Variants in DGKG observed in about 807,000 individuals in gnomAD.
DGKG encodes diacylglycerol kinase gamma.
DGKG carries 78 observed loss-of-function variants against 105.3 expected under a neutral mutation model. The observed-to-expected ratio is 0.74, with a 90% CI of 0.62 to 0.89. The LOEUF is 0.89. Among genes scored for constraint, DGKG ranks in the 40% least tolerant of loss-of-function variants. The pLI is 0.00. For missense variants in DGKG, 958 were observed against 1,020.1 expected (o/e 0.94, Z 0.83); for synonymous variants, 346 against 367.1 (o/e 0.94, Z 0.66).
At position 186,361,760 on chromosome 3, in the gene DGKG, G is replaced by A. The variant is rs1356378438; in HGVS notation, c.-249+186C>T. ...TGCGTTCCCCAAGCCTGCACCCCTC[G>A]AGCGGGGCATCCCTTCCTGCAGGGC... On this transcript the variant is annotated intron_variant, in intron 1 of 24. Coordinates refer to ENST00000265022, the MANE Select transcript of DGKG (RefSeq NM_001346.3). The surrounding 1 kb of genome is among the most constrained non-coding windows in gnomAD (Gnocchi z 6.8). 6.6e-6 allele frequency among the ~76,000 whole-genome samples: 1 copy of A among 152,092 alleles called. No homozygotes were observed. Among genetic ancestry groups the A allele is most frequent in the African/African-American group, 2.4e-5 (1 of 41,434 alleles).
intron 1 of DGKG, among the ~76,000 whole-genome samples, chr3:186,342,099 T>A (rs1320042438): frequency 6.6e-6 from 1 of 152,186 alleles, no homozygotes. Flanking sequence ...TGCACCAGCA[T>A]GGCACATGTA....
At chr3:186,299,781 C>CTT (rs1723791287) in intron 3 of DGKG, among the ~76,000 whole-genome samples, 1 of 63,370 alleles carries the variant, frequency 1.6e-5, no homozygotes, top group African/African-American at 6.8e-5. Flanking sequence ...TTCTTTCTTT[C>CTT]TTTCTTTCTT....
chr3:186,206,170 G>A (rs1718722696), intron 21 of DGKG, among the ~76,000 whole-genome samples: 2 of 152,172 alleles, frequency 1.3e-5, no homozygotes, highest in Admixed American at 6.5e-5. Context: ...TGGATCATGA[G>A]GTCAGGAGTT....
intron 22 of DGKG, among the ~76,000 whole-genome samples, chr3:186,181,380 G>A (rs1717350228): frequency 6.6e-6 from 1 of 152,178 alleles, no homozygotes; most frequent in South Asian, 2.1e-4. Context: ...TGTTTACCAA[G>A]AATTGCAAAA....
intron 21 of DGKG, among the ~76,000 whole-genome samples, chr3:186,201,616 G>A (rs962112700): frequency 1.3e-5 from 2 of 152,186 alleles, no homozygotes; most frequent in African/African-American, 4.8e-5. Flanking sequence ...GTTAGGAGAA[G>A]GCATGAGTGC....
chr3:186,195,792 C>G (rs1252550079), intron 21 of DGKG, among the ~76,000 whole-genome samples: 4 of 152,098 alleles, frequency 2.6e-5, no homozygotes, highest in Non-Finnish European at 2.9e-5. Flanking sequence ...TGTATTTTCA[C>G]TAAATTGGTA....
chr3:186,219,016 C>T (rs1314317574), intron 20 of DGKG, among the ~76,000 whole-genome samples: 1 of 151,950 alleles, frequency 6.6e-6, no homozygotes, highest in African/African-American at 2.4e-5. Flanking sequence ...CCAAATGCAA[C>T]AAGAGTTGAA....
chr3:186,194,803 T>TAAAAAAAAAAA (rs57878064), intron 21 of DGKG, among the ~76,000 whole-genome samples: 33 of 105,396 alleles, frequency 3.1e-4, no homozygotes, highest in African/African-American at 9.3e-4. Flanking sequence ...GGTCTTTCTT[T>TAAAAAAAAAAA]AAAAAAAAAA....
rs1258840597 is a variant in DGKG, at chr3:186,280,848, G to C, written c.595-104C>G. On this transcript the variant is annotated intron_variant, in intron 7 of 24. Transcript: ENST00000265022. ...CCCAGTGGGAAGAGGGACAGGGCAG[G>C]GCAAGAGAAGAAGCTGGTGCAGTAA... 5 of 896,154 alleles carry C rather than the reference G, an allele frequency of 5.6e-6. No homozygotes were observed. In the African/African-American group the frequency reaches 8.3e-5, roughly 15 times the overall value. 55.5% of individuals were successfully genotyped at this position (896,154 alleles called of 1,614,324 possible). A position where few individuals can be genotyped will look rare whatever the true frequency, so the allele number is the denominator to read the frequency against.
intron 14 of DGKG, among the ~76,000 whole-genome samples, chr3:186,263,293 A>G (rs1721872356): frequency 6.6e-6 from 1 of 152,004 alleles, no homozygotes; most frequent in South Asian, 2.1e-4. Context: ...TTGGCTGGGC[A>G]TGGTGGCTCA....
At chr3:186,355,376 C>T (rs561423136) in intron 1 of DGKG, among the ~76,000 whole-genome samples, 13 of 146,032 alleles carry the variant, frequency 8.9e-5, no homozygotes, top group African/African-American at 2.8e-4. Context: ...ATGATCATCA[C>T]CACCACCACC....
chr3:186,197,149 CG>C (rs1227389509), intron 21 of DGKG, among the ~76,000 whole-genome samples: 1 of 151,846 alleles, frequency 6.6e-6, no homozygotes, highest in Non-Finnish European at 1.5e-5. Flanking sequence ...GAGAGTTGGC[CG>C]GGGGGTAGCT....
At chr3:186,261,675 A>G (rs1440066259) in intron 15 of DGKG, 24 bp downstream of exon 15, 1 of 1,559,760 alleles carries the variant, frequency 6.4e-7, no homozygotes, top group Non-Finnish European at 8.8e-7. Flanking sequence ...TAGTTGCTCC[A>G]CTTTGAAACA....
intron 18 of DGKG, 83 bp downstream of exon 18, chr3:186,253,010 G>C: frequency 8.2e-7 from 1 of 1,212,582 alleles, no homozygotes; most frequent in Non-Finnish European, 1.2e-6. Flanking sequence ...CCATAAAAGG[G>C]TAAGTTCAGC....
intron 20 of DGKG, among the ~76,000 whole-genome samples, chr3:186,230,681 A>T (rs1720110840): frequency 6.6e-6 from 1 of 152,168 alleles, no homozygotes. Flanking sequence ...AAGGGCATCG[A>T]GATGGGCCAG....
chr3:186,238,114 G>A (rs781178269), intron 20 of DGKG, among the ~76,000 whole-genome samples: 1 of 151,784 alleles, frequency 6.6e-6, no homozygotes, highest in Non-Finnish European at 1.5e-5. Flanking sequence ...CTGACATGGT[G>A]AAACCCCATC....
intron 5 of DGKG, among the ~76,000 whole-genome samples, chr3:186,296,322 C>G (rs1723562668): frequency 1.3e-5 from 2 of 152,208 alleles, no homozygotes; most frequent in African/African-American, 2.4e-5. Context: ...GGTTACAGAG[C>G]TAGGTAGTGT....
chr3:186,347,713 G>T (rs1032220471), intron 1 of DGKG, among the ~76,000 whole-genome samples: 1 of 151,864 alleles, frequency 6.6e-6, no homozygotes, highest in Non-Finnish European at 1.5e-5. Flanking sequence ...CTCCTGAGTA[G>T]CTGGGATTAT....
chr3:186,346,337 G>A (rs1342878078), intron 1 of DGKG, among the ~76,000 whole-genome samples: 1 of 151,880 alleles, frequency 6.6e-6, no homozygotes, highest in Non-Finnish European at 1.5e-5. Flanking sequence ...CTTTTGATTT[G>A]TAAAGACCAT....
Sources: gnomAD v4.1 joint callset for allele counts (sites outside exome capture counted in the v4.1 genomes callset) on GRCh38, gnomAD v4.1.1 for gene constraint, Gnocchi (gnomAD v3.1) non-coding constraint, MANE v1.5 for transcripts, NCBI Gene and HGNC (gene_info 2026-07-23, HGNC 2026-07-21) for gene names.